Variants in XIST observed in about 807,000 individuals in gnomAD.
XIST encodes X inactive specific transcript (non-protein coding).
At chrX:73,838,911 C>T (rs184611031) in intron 1 of XIST, among the ~76,000 whole-genome samples, 27 of 111,479 alleles carry the variant, frequency 2.4e-4, no homozygotes, top group Admixed American at 1.8e-3. Flanking sequence ...AAGGCATTAG[C>T]TCTGTTTAAC....
At chrX:73,852,571 A>C (rs1467250567) in exon 1 of XIST, 1 of 498,885 alleles carries the variant, frequency 2.0e-6, no homozygotes, top group East Asian at 3.6e-5. Flanking sequence ...GAATTTAAAA[A>C]AATATTTTAT....
At chrX:73,824,027 T>C (rs769126655) in exon 6 of XIST, 2 of 553,249 alleles carry the variant, frequency 3.6e-6, no homozygotes, top group African/African-American at 4.5e-5. Flanking sequence ...ATAATGATAA[T>C]AAATGTTTGT....
rs41305399 is a variant in XIST at position 73,827,887 on chromosome X, G to A, written n.12014C>T. The stretch of plus-strand genomic sequence containing the variant: ...GAGAAAATGAGGCAAAGGCACACAC[G>A]AAAGAAATTAGCAAGAGAAACATGG... On this transcript the variant is annotated non_coding_transcript_exon_variant, in exon 6 of 6. Coordinates refer to ENST00000429829, the Ensembl canonical transcript of XIST. 2,014 of 527,120 alleles carry A rather than the reference G, an allele frequency of 3.8e-3. 6 individuals carry two copies. The highest frequency in any genetic ancestry group is 8.4e-3 in the Middle Eastern group (27 of 3,213). 43.4% of individuals were successfully genotyped at this position (527,120 alleles called of 1,213,427 possible). A position where few individuals can be genotyped will look rare whatever the true frequency, so the allele number is the denominator to read the frequency against.
At chrX:73,842,377 T>C in exon 1 of XIST, 1 of 550,566 alleles carries the variant, frequency 1.8e-6, no homozygotes, top group African/African-American at 2.2e-5. Flanking sequence ...AGGATGGCAA[T>C]CCAGCTCCCT....
exon 1 of XIST, chrX:73,845,461 G>A: frequency 1.8e-6 from 1 of 555,016 alleles, no homozygotes. Context: ...TTGTCCAAAT[G>A]TAAGGGTATA....
chrX:73,824,709 C>T (rs1922209530), exon 6 of XIST: 1 of 556,956 alleles, frequency 1.8e-6, no homozygotes. Flanking sequence ...CATTCGCAAG[C>T]TGAATTAAGT....
exon 1 of XIST, chrX:73,847,359 G>C (rs1159153011): frequency 1.9e-6 from 1 of 518,604 alleles, no homozygotes; most frequent in Admixed American, 2.6e-5. Context: ...CTGCTGCTTT[G>C]CCAAGGAGGT....
chrX:73,841,343 AG>A, intron 1 of XIST: 1 of 452,013 alleles, frequency 2.2e-6, no homozygotes, highest in Non-Finnish European at 3.9e-6. Flanking sequence ...AAAATAGAAT[AG>A]GAAAAAGATT....
chrX:73,843,362 T>C (rs770220005), exon 1 of XIST: 8 of 557,038 alleles, frequency 1.4e-5, no homozygotes, highest in African/African-American at 2.2e-5. Flanking sequence ...CCCTTGATAA[T>C]TGTTATTAAT....
At position 73,847,753 on chromosome X, in the gene XIST, G is replaced by T. The variant is rs370601240; in HGVS notation, n.4971C>A. The T allele has an allele frequency of 1.4e-5, 8 of 556,289 alleles. No individual in the cohort carries two copies. The African/African-American group carries it at 1.8e-4, about 12-fold the overall frequency. 45.8% of individuals were successfully genotyped at this position (556,289 alleles called of 1,213,427 possible). A position where few individuals can be genotyped will look rare whatever the true frequency, so the allele number is the denominator to read the frequency against. ...ATGGATAATTAGAAATACACATTAA[G>T]AGTCCCAAGAGAAGGACTCTGGGTT... On this transcript the variant is annotated non_coding_transcript_exon_variant, in exon 1 of 6. Coordinates refer to ENST00000429829, the Ensembl canonical transcript of XIST.
At chrX:73,847,733 T>C (rs1172838648) in exon 1 of XIST, 1 of 556,273 alleles carries the variant, frequency 1.8e-6, no homozygotes, top group South Asian at 2.2e-5. Context: ...GAGTCATGGA[T>C]AATTAGAAAT....
chrX:73,824,886 G>A lies in XIST; in HGVS notation n.15015C>T, dbSNP rs779757551. 1.2e-4 allele frequency: 64 copies of A among 552,511 alleles called. No homozygotes were observed. The East Asian group carries it at 1.7e-3, about 14-fold the overall frequency. The allele number at this position is 552,511 out of a possible 1,213,427, so 45.5% of individuals were successfully genotyped here. A position where few individuals can be genotyped will look rare whatever the true frequency, so the allele number is the denominator to read the frequency against. On this transcript the variant is annotated non_coding_transcript_exon_variant, in exon 6 of 6. Coordinates refer to ENST00000429829, the Ensembl canonical transcript of XIST. ...TTCCTTACATCTGAATAGTATAGAG[G>A]ATAAACTTTCCTCTTATTACATAGG...
At chrX:73,833,425 C>A in intron 2 of XIST, 1 of 499,202 alleles carries the variant, frequency 2.0e-6, no homozygotes, top group South Asian at 3.0e-5. Flanking sequence ...CGGTAGGATA[C>A]CAAAAGAGTT....
chrX:73,826,654 G>C (rs1426477550), exon 6 of XIST: 1 of 557,407 alleles, frequency 1.8e-6, no homozygotes, highest in African/African-American at 2.2e-5. Flanking sequence ...TCTCATCTTG[G>C]GATTTCCCCA....
At chrX:73,828,940 C>T in intron 5 of XIST, 1 of 427,902 alleles carries the variant, frequency 2.3e-6, no homozygotes, top group South Asian at 4.2e-5. Flanking sequence ...GACTGGTCAT[C>T]TTTCCATCTC....
chrX:73,843,758 T>C (rs1922660556), exon 1 of XIST: 1 of 557,694 alleles, frequency 1.8e-6, no homozygotes. Context: ...CTAAAAACAC[T>C]AAGAAAGTAG....
intron 4 of XIST, among the ~76,000 whole-genome samples, chrX:73,829,818 C>A (rs1390089672): frequency 2.8e-5 from 3 of 107,491 alleles, no homozygotes; most frequent in Admixed American, 2.0e-4. Flanking sequence ...AAAAGACTTC[C>A]ATCCTGTTTT....
At chrX:73,847,298 T>C (rs1358142584) in exon 1 of XIST, 1 of 544,301 alleles carries the variant, frequency 1.8e-6, no homozygotes, top group Non-Finnish European at 3.3e-6. Flanking sequence ...CTACTGCTAA[T>C]TATGCGCATT....
chrX:73,826,171 C>T (rs1922247147), exon 6 of XIST: 4 of 559,198 alleles, frequency 7.2e-6, no homozygotes, highest in Non-Finnish European at 9.7e-6. Flanking sequence ...TCTGGCACAT[C>T]TGTGTATTTC....
Sources: allele counts gnomAD v4.1 joint callset (sites outside exome capture counted in the v4.1 genomes callset), GRCh38; gene constraint gnomAD v4.1.1; transcripts MANE v1.5; gene names NCBI Gene and HGNC (gene_info 2026-07-23, HGNC 2026-07-21).